NRCAM: variants seen among roughly 807,000 people sequenced by gnomAD.
NRCAM encodes the protein neuronal cell adhesion molecule.
Under a neutral mutation model 156.5 loss-of-function variants are expected in NRCAM, and 83 were observed. That is an observed-to-expected ratio of 0.53 (90% CI 0.44 to 0.64). NRCAM has a LOEUF of 0.64. Ranked by LOEUF, NRCAM falls within the 30% of genes least tolerant of loss-of-function variation. The pLI is 0.00. For synonymous variants in NRCAM, 538 were observed against 563.9 expected (o/e 0.95, Z 0.65); for missense variants, 1,417 against 1,597.3 (o/e 0.89, Z 1.92).
chr7:108,404,726 G>A lies in NRCAM; in HGVS notation c.-331-5133C>T, dbSNP rs549043415. ...ATTTCAATATCCCCATCTAATAGAT[G>A]AGAAAACTGAGGCACAGAAAGAGGA... On this transcript the variant is annotated intron_variant, in intron 1 of 32. Transcript: ENST00000379028. Among the ~76,000 whole-genome samples the A allele has an allele frequency of 2.1e-4, 32 of 152,286 alleles. No individual in the cohort carries two copies. The South Asian group carries it at 4.6e-3, about 22-fold the overall frequency.
Position 108,167,478 on chromosome 7 carries a change from G to C in NRCAM, c.3314-405C>G, listed in dbSNP as rs1396657856. On this transcript the variant is annotated intron_variant, in intron 29 of 32. Coordinates refer to ENST00000379028, the MANE Select transcript of NRCAM (RefSeq NM_001037132.4). ...ATTGTTTTTTTATGATTCACAAGAT[G>C]AATCTTTTAGTAAACTTAAATGCCT... Among the ~76,000 whole-genome samples, 3 of 152,130 alleles carry C rather than the reference G, an allele frequency of 2.0e-5. No homozygotes were observed. In the East Asian group the frequency reaches 5.8e-4, roughly 29 times the overall value.
At chr7:108,177,434 T>C (rs915838376) in intron 26 of NRCAM, among the ~76,000 whole-genome samples, 29 of 152,028 alleles carry the variant, frequency 1.9e-4, no homozygotes, top group Admixed American at 4.6e-4. Context: ...CCATCCTGGC[T>C]AACATGGTGA....
chr7:108,200,415 G>A (rs1164995909), intron 13 of NRCAM, among the ~76,000 whole-genome samples: 1 of 152,138 alleles, frequency 6.6e-6, no homozygotes, highest in Non-Finnish European at 1.5e-5. Context: ...CATGGACCCT[G>A]AAAACACAGT....
At chr7:108,265,091 C>T (rs1282591943) in intron 3 of NRCAM, among the ~76,000 whole-genome samples, 1 of 152,188 alleles carries the variant, frequency 6.6e-6, no homozygotes, top group Non-Finnish European at 1.5e-5. Context: ...ATGTTCAGAG[C>T]TGAGTGTGCG....
chr7:108,301,921 C>T (rs2098628157), intron 3 of NRCAM, among the ~76,000 whole-genome samples: 1 of 152,020 alleles, frequency 6.6e-6, no homozygotes, highest in Non-Finnish European at 1.5e-5. Context: ...TTTGTACATG[C>T]TCTAGGGTTA....
intron 2 of NRCAM, among the ~76,000 whole-genome samples, chr7:108,358,042 G>A (rs1209368272): frequency 6.6e-6 from 1 of 152,096 alleles, no homozygotes. Context: ...ATCTTCATAA[G>A]CCAAAGCTAA....
At chr7:108,438,043 AAATT>A (rs1554648068) in intron 1 of NRCAM, among the ~76,000 whole-genome samples, 3 of 151,702 alleles carry the variant, frequency 2.0e-5, no homozygotes, top group East Asian at 1.9e-4. Flanking sequence ...AAAAAAAAAA[AAATT>A]AATTAATTAA....
At chr7:108,246,486 T>C (rs1269641) in intron 3 of NRCAM, among the ~76,000 whole-genome samples, 60,842 of 151,784 alleles carry the variant, frequency 0.4, 14,509 homozygotes, top group East Asian at 0.83. Flanking sequence ...AAAGGTCAAA[T>C]AGAGGCAAGG....
intron 3 of NRCAM, among the ~76,000 whole-genome samples, chr7:108,277,934 C>T (rs977381997): frequency 5.9e-5 from 9 of 152,160 alleles, no homozygotes; most frequent in African/African-American, 2.2e-4. Context: ...TGTAGATGTC[C>T]TTTTCATTGA....
chr7:108,275,618 C>A (rs2097565336), intron 3 of NRCAM, among the ~76,000 whole-genome samples: 1 of 151,934 alleles, frequency 6.6e-6, no homozygotes, highest in Admixed American at 6.6e-5. Context: ...CTATTTGATT[C>A]TTCTCTCTTT....
intron 2 of NRCAM, among the ~76,000 whole-genome samples, chr7:108,342,130 G>C (rs2099290034): frequency 6.6e-6 from 1 of 152,184 alleles, no homozygotes; most frequent in Admixed American, 6.5e-5. Context: ...CCCAAGACTT[G>C]AGCCAGTTCT....
chr7:108,328,868 T>C (rs1251281948), intron 2 of NRCAM, among the ~76,000 whole-genome samples: 1 of 152,212 alleles, frequency 6.6e-6, no homozygotes, highest in Non-Finnish European at 1.5e-5. Flanking sequence ...AATAACATTT[T>C]AGAATGGCCA....
At chr7:108,337,949 GC>G (rs1338663588) in intron 2 of NRCAM, among the ~76,000 whole-genome samples, 1 of 152,144 alleles carries the variant, frequency 6.6e-6, no homozygotes, top group Admixed American at 6.5e-5. Context: ...ACACCTGTCG[GC>G]CGGTTAAAAA....
At chr7:108,158,721 T>A (rs1318534586) in intron 32 of NRCAM, among the ~76,000 whole-genome samples, 3 of 152,168 alleles carry the variant, frequency 2.0e-5, no homozygotes, top group Non-Finnish European at 4.4e-5. Flanking sequence ...ACTTTTAGAA[T>A]AACAGAATGC....
chr7:108,250,549 A>C (rs1422707821), intron 3 of NRCAM, among the ~76,000 whole-genome samples: 1 of 152,080 alleles, frequency 6.6e-6, no homozygotes, highest in East Asian at 1.9e-4. Context: ...TAAAATTCAA[A>C]ACAACTGAAC....
At chr7:108,264,996 A>G (rs2097038540) in intron 3 of NRCAM, among the ~76,000 whole-genome samples, 1 of 152,204 alleles carries the variant, frequency 6.6e-6, no homozygotes, top group African/African-American at 2.4e-5. Flanking sequence ...AGACATCTGG[A>G]TGTGAAGCCC....
At chr7:108,244,192 A>G (rs2095743674) in intron 3 of NRCAM, among the ~76,000 whole-genome samples, 1 of 151,980 alleles carries the variant, frequency 6.6e-6, no homozygotes, top group Non-Finnish European at 1.5e-5. Flanking sequence ...ATTCTCCTCT[A>G]TTTGGGCTTT....
chr7:108,212,102 A>G (rs535744329), intron 11 of NRCAM, among the ~76,000 whole-genome samples: 77 of 152,352 alleles, frequency 5.1e-4, no homozygotes, highest in African/African-American at 1.7e-3. Flanking sequence ...AGCAGCCTGG[A>G]GATGGGTAGA....
At chr7:108,404,481 A>T (rs1335514127) in intron 1 of NRCAM, among the ~76,000 whole-genome samples, 1 of 152,194 alleles carries the variant, frequency 6.6e-6, no homozygotes, top group African/African-American at 2.4e-5. Context: ...TTACAGATTT[A>T]AAAAGTAAGT....
Sources: gnomAD v4.1 joint callset for allele counts (sites outside exome capture counted in the v4.1 genomes callset) on GRCh38, gnomAD v4.1.1 for gene constraint, MANE v1.5 for transcripts, NCBI Gene and HGNC (gene_info 2026-07-23, HGNC 2026-07-21) for gene names.